Variants in TTBK2 observed in about 807,000 individuals in gnomAD.
TTBK2 encodes the protein tau-tubulin kinase 2.
A neutral mutation model predicts 110.8 loss-of-function variants in TTBK2; 28 were observed. That is an observed-to-expected ratio of 0.25 (90% CI 0.19 to 0.35). The LOEUF (loss-of-function observed/expected upper bound fraction) is 0.35. Among genes scored for constraint, TTBK2 ranks in the 10% least tolerant of loss-of-function variants. The pLI is 1.00. For missense variants in TTBK2, 1,369 were observed against 1,500.3 expected, an observed-to-expected ratio of 0.91 and a Z score of 1.45; for synonymous variants, 532 against 527.3, an observed-to-expected ratio of 1.01 and a Z score of -0.12.
intron 3 of TTBK2, among the ~76,000 whole-genome samples, chr15:42,845,891 G>A (rs1893439104): frequency 6.6e-6 from 1 of 152,012 alleles, no homozygotes; most frequent in Non-Finnish European, 1.5e-5. Flanking sequence ...GCATGTTACT[G>A]TATTGCATAC....
chr15:42,907,735 A>C (rs925669907), intron 1 of TTBK2, among the ~76,000 whole-genome samples: 3 of 152,138 alleles, frequency 2.0e-5, no homozygotes, highest in Non-Finnish European at 2.9e-5. Flanking sequence ...GTACATATAA[A>C]ATGGTAAAGA....
In TTBK2 at chr15:42,745,835, G is replaced by C. The variant is rs768071683; in HGVS notation, c.3695C>G (p.Pro1232Arg). Residue 1232 changes from proline (P) to arginine (R), a missense_variant, in exon 15 of 15, where the codon CCC becomes CGC. Pro to Arg is a moderately radical substitution (Grantham distance 103). Transcript: ENST00000267890. Reference sequence around the variant, plus strand: ...ACTGGCTGGCTTACTCTTCCCTTGGGGGGTTTTAGTGCTGGCTGAGTGGTG... The same window carrying C: ...ACTGGCTGGCTTACTCTTCCCTTGGCGGGTTTTAGTGCTGGCTGAGTGGTG... ...LHHHSASTKT[P>R]QGKSKPASKL... 9.3e-6 allele frequency: 15 copies of C among 1,614,024 alleles called. No individual in the cohort carries two copies. The East Asian group carries it at 2.0e-4, about 22-fold the overall frequency.
At chr15:42,792,103 C>G (rs1156730854) in intron 10 of TTBK2, among the ~76,000 whole-genome samples, 1 of 152,202 alleles carries the variant, frequency 6.6e-6, no homozygotes, top group African/African-American at 2.4e-5. Flanking sequence ...CGCCACTGCA[C>G]TCCAGCCTGG....
At chr15:42,847,275 T>C (rs1045079537) in intron 3 of TTBK2, among the ~76,000 whole-genome samples, 4 of 152,176 alleles carry the variant, frequency 2.6e-5, no homozygotes, top group African/African-American at 9.7e-5. Context: ...TATTTTTAAT[T>C]GTTTGTTTTC....
Position 42,801,364 on chromosome 15 carries a change from C to CATT in TTBK2, c.823-6566_823-6564dup, listed in dbSNP as rs774354526. The CATT allele has an allele frequency of 4.6e-5, 69 of 1,486,348 alleles. No individual in the cohort carries two copies. In the African/African-American group the frequency reaches 8.4e-4, roughly 18 times the overall value. 92.1% of individuals were successfully genotyped at this position (1,486,348 alleles called of 1,614,324 possible). On this transcript the variant is annotated intron_variant, in intron 9 of 14. Transcript: ENST00000267890. ...GCGGCCTCCAGCTCAGACAGCTTGG[C>CATT]ATTGGCATCCTTAATGGCTAGCTCC...
intron 6 of TTBK2, among the ~76,000 whole-genome samples, chr15:42,821,044 GA>G (rs893185175): frequency 0.012 from 1,473 of 121,034 alleles, 15 homozygotes; most frequent in African/African-American, 0.042. Flanking sequence ...TTGTCTAAAA[GA>G]AAAAAAAAAA....
intron 1 of TTBK2, among the ~76,000 whole-genome samples, chr15:42,914,231 C>T (rs2030959100): frequency 6.6e-6 from 1 of 152,114 alleles, no homozygotes; most frequent in Non-Finnish European, 1.5e-5. Flanking sequence ...CCGCCTCAGC[C>T]TCCCAAAGTG....
At chr15:42,793,912 C>T (rs572427149) in intron 10 of TTBK2, among the ~76,000 whole-genome samples, 1 of 151,912 alleles carries the variant, frequency 6.6e-6, no homozygotes, top group South Asian at 2.1e-4. Context: ...GATAATTTGT[C>T]CCTATTCAGT....
At position 42,775,134 on chromosome 15, in the gene TTBK2, C is replaced by T. The variant is rs1391236010; in HGVS notation, c.1998+1G>A. ...AATAATAATAAAAACAAATTTCTTA[C>T]CGCTGTAAGGGGTCCTTCTGCCTGC... On this transcript the variant is annotated splice_donor_variant, in intron 13 of 14. Coordinates refer to ENST00000267890, the MANE Select transcript of TTBK2 (RefSeq NM_173500.4). LOFTEE classifies it high-confidence loss of function. 1 of 1,612,684 alleles carries T rather than the reference C, an allele frequency of 6.2e-7. No homozygotes were observed.
At position 42,769,501 on chromosome 15, in the gene TTBK2, C is replaced by T. The variant is rs374630465; in HGVS notation, c.1998+5634G>A. On this transcript the variant is annotated intron_variant, in intron 13 of 14. Transcript: ENST00000267890. ...GACATTTATGCAGCCAACAGACACA[C>T]GAAAAAATGCTCATCATCACTGGCC... is the stretch of plus-strand genomic sequence containing the variant. 1.9e-3 allele frequency among the ~76,000 whole-genome samples: 294 copies of T among 152,142 alleles called. 4 individuals are homozygous for T. The highest frequency in any genetic ancestry group is 2.9e-3 in the Admixed American group (44 of 15,278).
intron 3 of TTBK2, among the ~76,000 whole-genome samples, chr15:42,850,954 G>A (rs1314653488): frequency 2.0e-5 from 3 of 151,818 alleles, no homozygotes; most frequent in Non-Finnish European, 2.9e-5. Flanking sequence ...GGCCAGGCGC[G>A]GTGGCTCATG....
chr15:42,873,855 G>A (rs950439966), intron 2 of TTBK2, among the ~76,000 whole-genome samples: 1 of 152,086 alleles, frequency 6.6e-6, no homozygotes, highest in African/African-American at 2.4e-5. Context: ...GTGATATAAT[G>A]TAGGAAGTCA....
At chr15:42,912,402 G>C (rs866854655) in intron 1 of TTBK2, among the ~76,000 whole-genome samples, 3 of 152,274 alleles carry the variant, frequency 2.0e-5, no homozygotes, top group Middle Eastern at 6.8e-3. Context: ...CTGTCATATA[G>C]TTTATATAAG....
At chr15:42,843,758 CAA>C (rs57403388) in intron 3 of TTBK2, among the ~76,000 whole-genome samples, 6 of 71,664 alleles carry the variant, frequency 8.4e-5, no homozygotes, top group African/African-American at 2.0e-4. Flanking sequence ...GACTTGGTCT[CAA>C]AAAAAAAAAA....
intron 9 of TTBK2, among the ~76,000 whole-genome samples, chr15:42,803,232 G>A (rs1891301404): frequency 6.6e-6 from 1 of 152,018 alleles, no homozygotes; most frequent in Non-Finnish European, 1.5e-5. Context: ...TTGCTACTAG[G>A]CTACCTATCT....
At chr15:42,810,784 G>A (rs1427260626) in intron 8 of TTBK2, 45 bp from the exon 9 acceptor site, 1 of 1,610,446 alleles carries the variant, frequency 6.2e-7, no homozygotes, top group Non-Finnish European at 8.5e-7. Flanking sequence ...TTCTCTTGGT[G>A]GTTAGGCATT....
At chr15:42,802,570 A>AAAAAT (rs767068845) in intron 9 of TTBK2, among the ~76,000 whole-genome samples, 11 of 152,350 alleles carry the variant, frequency 7.2e-5, no homozygotes, top group East Asian at 5.8e-4. Context: ...CTAAACCAGC[A>AAAAAT]AAAATAAAAT....
At chr15:42,881,251 C>G (rs535949266) in intron 1 of TTBK2, among the ~76,000 whole-genome samples, 24 of 138,608 alleles carry the variant, frequency 1.7e-4, no homozygotes, top group African/African-American at 6.6e-4. Context: ...CCACTGCACT[C>G]CAGCCTGGAT....
intron 1 of TTBK2, among the ~76,000 whole-genome samples, chr15:42,919,349 T>C (rs765541769): frequency 1.3e-5 from 2 of 152,210 alleles, no homozygotes; most frequent in South Asian, 2.1e-4. Context: ...TTAAAATCAT[T>C]TCCCCCTTCT....
Sources: allele counts gnomAD v4.1 joint callset (sites outside exome capture counted in the v4.1 genomes callset), GRCh38; gene constraint gnomAD v4.1.1; transcripts MANE v1.5; gene names NCBI Gene and HGNC (gene_info 2026-07-23, HGNC 2026-07-21).